Variants in TTC28 observed in about 807,000 individuals in gnomAD.
TTC28 encodes the protein tetratricopeptide repeat domain 28.
In TTC28, 61 loss-of-function variants were observed where a neutral mutation model predicts 198.0. That is an observed-to-expected ratio of 0.31 (90% CI 0.25 to 0.38). TTC28 has a LOEUF of 0.38. Ranked by LOEUF, TTC28 falls within the 10% of genes least tolerant of loss-of-function variation. The pLI, the probability that TTC28 is intolerant of heterozygous loss-of-function variation, is 1.00. For missense variants in TTC28, 2,678 were observed against 3,164.0 expected (o/e 0.85, Z 3.69); for synonymous variants, 1,171 against 1,297.8 (o/e 0.90, Z 2.10).
At chr22:28,191,612 G>A (rs957633271) in intron 5 of TTC28, among the ~76,000 whole-genome samples, 2 of 152,262 alleles carry the variant, frequency 1.3e-5, no homozygotes, top group African/African-American at 4.8e-5. Context: ...TTTTCCAACG[G>A]TCTTAGCAAA....
intron 2 of TTC28, among the ~76,000 whole-genome samples, chr22:28,547,091 T>C (rs1384060590): frequency 1.3e-5 from 2 of 152,186 alleles, no homozygotes; most frequent in East Asian, 3.9e-4. Context: ...ACGGGTTCAT[T>C]TGTTAGGTTC....
intron 14 of TTC28, chr22:28,002,546 A>C (rs1937747803): frequency 6.6e-6 from 1 of 151,960 alleles, no homozygotes. Context: ...GCAGAGCACT[A>C]GGCTAACCCA....
chr22:28,355,487 T>G (rs1051644214), intron 2 of TTC28, among the ~76,000 whole-genome samples: 2 of 152,214 alleles, frequency 1.3e-5, no homozygotes, highest in African/African-American at 4.8e-5. Flanking sequence ...TCTAATCATG[T>G]GCCAGACATT....
At chr22:28,228,019 A>G (rs1194086307) in intron 5 of TTC28, among the ~76,000 whole-genome samples, 1 of 152,202 alleles carries the variant, frequency 6.6e-6, no homozygotes, top group Admixed American at 6.5e-5. Flanking sequence ...TACATACAAT[A>G]AAATATTATT....
At chr22:28,432,383 G>A (rs181641388) in intron 2 of TTC28, among the ~76,000 whole-genome samples, 1 of 152,000 alleles carries the variant, frequency 6.6e-6, no homozygotes. Flanking sequence ...TTAAAAATTA[G>A]CTTTAGGAAT....
chr22:28,434,498 A>G (rs1393018505), intron 2 of TTC28, among the ~76,000 whole-genome samples: 1 of 152,164 alleles, frequency 6.6e-6, no homozygotes, highest in Admixed American at 6.6e-5. Context: ...AGCCTAACCA[A>G]CAAGGTGAAA....
intron 5 of TTC28, among the ~76,000 whole-genome samples, chr22:28,197,031 A>G (rs1189248697): frequency 6.6e-6 from 1 of 152,080 alleles, no homozygotes; most frequent in South Asian, 2.1e-4. Flanking sequence ...CAAATGTCCA[A>G]CAATGATAGA....
intron 5 of TTC28, among the ~76,000 whole-genome samples, chr22:28,242,713 A>T (rs981719997): frequency 2.4e-4 from 36 of 152,148 alleles, no homozygotes; most frequent in African/African-American, 8.7e-4. Flanking sequence ...CTATTTTAAA[A>T]GATTTTTTTC....
chr22:28,392,591 A>T (rs1176664635), intron 2 of TTC28, among the ~76,000 whole-genome samples: 1 of 152,156 alleles, frequency 6.6e-6, no homozygotes, highest in Non-Finnish European at 1.5e-5. Context: ...TTCGGGTGGG[A>T]GTGACCCGAT....
intron 10 of TTC28, among the ~76,000 whole-genome samples, chr22:28,097,673 A>T (rs1254725810): frequency 3.3e-5 from 5 of 152,228 alleles, no homozygotes; most frequent in Non-Finnish European, 5.9e-5. Context: ...CTATAACCAG[A>T]GTCCAAAGAA....
intron 2 of TTC28, among the ~76,000 whole-genome samples, chr22:28,380,055 G>T (rs1042846487): frequency 6.6e-6 from 1 of 151,206 alleles, no homozygotes; most frequent in African/African-American, 2.4e-5. Context: ...TCTTCAAAAC[G>T]TTAACATTAA....
chr22:28,280,740 G>A (rs546259488), intron 5 of TTC28, among the ~76,000 whole-genome samples: 4 of 152,096 alleles, frequency 2.6e-5, no homozygotes, highest in Non-Finnish European at 4.4e-5. Flanking sequence ...TTTTCCTTCA[G>A]AATGGAAAAT....
In TTC28 at chr22:28,096,218, C is replaced by G. The variant is rs1243846573; in HGVS notation, c.3738G>C (p.Leu1246=). The change falls in exon 11 of 23, where the codon CTG becomes CTC. Residue 1246 remains leucine (L), a synonymous_variant. Coordinates refer to ENST00000397906, the MANE Select transcript of TTC28 (RefSeq NM_001145418.2). ...VLYYSLAAGY[L]YSWLLAPGAG... The stretch of plus-strand genomic sequence containing the variant: ...CCCCAGGAGCCAGCAGCCAGCTATA[C>G]AGATAGCCTGCAGCCAGGGAATAGT... 3.2e-6 allele frequency: 5 copies of G among 1,550,648 alleles called. No individual in the cohort carries two copies. The highest frequency in any genetic ancestry group is 1.7e-4 in the Middle Eastern group (1 of 5,976).
At chr22:28,590,536 T>A (rs998005516) in intron 2 of TTC28, among the ~76,000 whole-genome samples, 2 of 151,946 alleles carry the variant, frequency 1.3e-5, no homozygotes, top group African/African-American at 4.8e-5. Flanking sequence ...GAGGACTGCT[T>A]GAGGCCAGGA....
chr22:28,399,635 A>G (rs2046873571), intron 2 of TTC28, among the ~76,000 whole-genome samples: 2 of 152,292 alleles, frequency 1.3e-5, no homozygotes, highest in Middle Eastern at 3.4e-3. Context: ...CTAAAACATA[A>G]CTAGAAAAGT....
intron 2 of TTC28, among the ~76,000 whole-genome samples, chr22:28,436,297 A>G (rs2047519186): frequency 6.6e-6 from 1 of 152,212 alleles, no homozygotes; most frequent in Admixed American, 6.5e-5. Flanking sequence ...TATATTCATC[A>G]TTTATACATT....
At chr22:28,013,602 A>T (rs1601516818) in intron 14 of TTC28, among the ~76,000 whole-genome samples, 1 of 152,290 alleles carries the variant, frequency 6.6e-6, no homozygotes, top group African/African-American at 2.4e-5. Context: ...CTGAGACTCC[A>T]TCTCACCAGA....
At chr22:28,493,849 C>G (rs2048412897) in intron 2 of TTC28, among the ~76,000 whole-genome samples, 1 of 152,042 alleles carries the variant, frequency 6.6e-6, no homozygotes, top group Admixed American at 6.6e-5. Flanking sequence ...GAAGTCCAAA[C>G]AGTGAAACAC....
At chr22:27,995,420 G>C (rs1937534020) in intron 17 of TTC28, among the ~76,000 whole-genome samples, 1 of 152,324 alleles carries the variant, frequency 6.6e-6, no homozygotes, top group Non-Finnish European at 1.5e-5. Flanking sequence ...TAAATGATTT[G>C]AAACGGCCTT....
Sources: allele counts gnomAD v4.1 joint callset (sites outside exome capture counted in the v4.1 genomes callset), GRCh38; gene constraint gnomAD v4.1.1; transcripts MANE v1.5; gene names NCBI Gene and HGNC (gene_info 2026-07-23, HGNC 2026-07-21).